Variants in PAFAH1B1 observed in about 807,000 individuals in gnomAD.
PAFAH1B1 encodes the protein platelet activating factor acetylhydrolase 1b regulatory subunit 1, also known as platelet-activating factor acetylhydrolase IB subunit beta.
In PAFAH1B1, 2 loss-of-function variants were observed where a neutral mutation model predicts 57.5. The observed-to-expected ratio is 0.03, with a 90% CI of 0.01 to 0.11. PAFAH1B1 has a LOEUF of 0.11. Among genes scored for constraint, PAFAH1B1 ranks in the 10% least tolerant of loss-of-function variants. PAFAH1B1 has a pLI of 1.00. For synonymous variants in PAFAH1B1, 152 were observed against 169.6 expected, an observed-to-expected ratio of 0.90 and a Z score of 0.81; for missense variants, 257 against 512.0, an observed-to-expected ratio of 0.50 and a Z score of 4.81.
At chr17:2,645,415 G>A (rs1244232726) in intron 2 of PAFAH1B1, among the ~76,000 whole-genome samples, 1 of 151,696 alleles carries the variant, frequency 6.6e-6, no homozygotes, top group Admixed American at 6.6e-5. Flanking sequence ...CCAACATGGT[G>A]AAACCCACCT....
chr17:2,612,801 G>T (rs2068282356), intron 1 of PAFAH1B1, among the ~76,000 whole-genome samples: 2 of 151,722 alleles, frequency 1.3e-5, no homozygotes, highest in African/African-American at 4.8e-5. Context: ...TAGAGGTGGG[G>T]ATCTCACTTT....
At chr17:2,619,537 T>TTTTTTTTTG (rs1204028723) in intron 1 of PAFAH1B1, among the ~76,000 whole-genome samples, 3 of 41,322 alleles carry the variant, frequency 7.3e-5, no homozygotes, top group Non-Finnish European at 1.4e-4. Context: ...CCCTTACCTG[T>TTTTTTTTTG]TTTTTTTTTG....
chr17:2,606,810 C>CTTTTTTTTTTTTTTTTTTTTTTTT lies in PAFAH1B1; in HGVS notation c.-191+12808_-191+12831dup, dbSNP rs770011553. Among the ~76,000 whole-genome samples the CTTTTTTTTTTTTTTTTTTTTTTTT allele has an allele frequency of 7.9e-5, 8 of 101,714 alleles. 4 individuals carry two copies. The highest frequency in any genetic ancestry group is 3.2e-4 in the African/African-American group (8 of 25,374). 66.7% of individuals were successfully genotyped at this position (101,714 alleles called of 152,430 possible). On this transcript the variant is annotated intron_variant, in intron 1 of 10. Coordinates refer to ENST00000397195, the MANE Select transcript of PAFAH1B1 (RefSeq NM_000430.4). Reference sequence around the variant, plus strand: ...ACATTTTGTCATATTTGCCTCAGAGCTTTTTTTTTTTTTTTTTTTTTTTTT... The same window carrying CTTTTTTTTTTTTTTTTTTTTTTTT: ...ACATTTTGTCATATTTGCCTCAGAGCTTTTTTTTTTTTTTTTTTTTTTTTTTTTTTTTTTTTTTTTTTTTTTTTT...
chr17:2,663,840 G>C (rs754370199), intron 2 of PAFAH1B1, among the ~76,000 whole-genome samples: 3 of 151,912 alleles, frequency 2.0e-5, no homozygotes, highest in Admixed American at 2.0e-4. Context: ...GACTACAGGC[G>C]CATACCACCA....
chr17:2,679,187 T>C lies in PAFAH1B1; in HGVS notation c.1003-977T>C, dbSNP rs2069323303. On this transcript the variant is annotated intron_variant, in intron 9 of 10. Coordinates refer to ENST00000397195, the MANE Select transcript of PAFAH1B1 (RefSeq NM_000430.4). ...TAGCAAACCTTTAATTTAGAAAGTATGTGATCCTTGCTTATGTTGTTAGAT... is the reference window on the plus strand; with the variant it reads ...TAGCAAACCTTTAATTTAGAAAGTACGTGATCCTTGCTTATGTTGTTAGAT... Among the ~76,000 whole-genome samples, 6 of 152,382 alleles carry C rather than the reference T, an allele frequency of 3.9e-5. No individual in the cohort carries two copies. In the South Asian group the frequency reaches 1.2e-3, roughly 32 times the overall value.
chr17:2,618,772 C>T (rs149300318), intron 1 of PAFAH1B1, among the ~76,000 whole-genome samples: 7 of 149,638 alleles, frequency 4.7e-5, no homozygotes, highest in East Asian at 4.2e-4. Context: ...TTGGGCCTCA[C>T]GAGTAGCTGG....
At chr17:2,664,702 C>CTCTCTCTCTCTCTCTCTCTCTCTCT (rs1597567320) in intron 2 of PAFAH1B1, among the ~76,000 whole-genome samples, 9 of 144,494 alleles carry the variant, frequency 6.2e-5, no homozygotes, top group Non-Finnish European at 7.7e-5. Flanking sequence ...CTTTCTCTCT[C>CTCTCTCTCTCTCTCTCTCTCTCTCT]CATCTATAAA....
At chr17:2,628,709 G>T (rs951678954) in intron 1 of PAFAH1B1, among the ~76,000 whole-genome samples, 1 of 152,050 alleles carries the variant, frequency 6.6e-6, no homozygotes, top group Non-Finnish European at 1.5e-5. Context: ...CTGTGAATCC[G>T]TCTGGTCCTG....
chr17:2,622,886 C>T (rs2151624167), intron 1 of PAFAH1B1, among the ~76,000 whole-genome samples: 1 of 152,374 alleles, frequency 6.6e-6, no homozygotes, highest in Middle Eastern at 3.4e-3. Context: ...GGTTCCCAAA[C>T]CTCAATTCTT....
At chr17:2,648,895 G>C (rs2068810024) in intron 2 of PAFAH1B1, among the ~76,000 whole-genome samples, 1 of 149,542 alleles carries the variant, frequency 6.7e-6, no homozygotes, top group Non-Finnish European at 1.5e-5. Context: ...GAAACTAAGA[G>C]TTCCTGTGTC....
At chr17:2,678,526 A>G (rs1383009276) in intron 9 of PAFAH1B1, among the ~76,000 whole-genome samples, 2 of 151,870 alleles carry the variant, frequency 1.3e-5, no homozygotes, top group African/African-American at 2.4e-5. Context: ...AGATCGCACC[A>G]TTGCCCTCCA....
intron 1 of PAFAH1B1, among the ~76,000 whole-genome samples, chr17:2,598,253 A>G (rs1177130323): frequency 6.6e-6 from 1 of 152,104 alleles, no homozygotes; most frequent in East Asian, 1.9e-4. Flanking sequence ...CCATCTCAAA[A>G]AATAAATAAA....
At chr17:2,652,878 G>A (rs981598324) in intron 2 of PAFAH1B1, among the ~76,000 whole-genome samples, 15 of 152,142 alleles carry the variant, frequency 9.9e-5, no homozygotes, top group African/African-American at 3.6e-4. Flanking sequence ...CAGGGATCTA[G>A]AACTGGAAAT....
chr17:2,670,160 C>T lies in PAFAH1B1; in HGVS notation c.400-3C>T, dbSNP rs1253849236. On this transcript the variant is annotated splice_region_variant and splice_polypyrimidine_tract_variant and intron_variant, in intron 5 of 10. Coordinates refer to ENST00000397195, the MANE Select transcript of PAFAH1B1 (RefSeq NM_000430.4). Reference sequence around the variant, plus strand: ...GTTAACCAATTTTCTGTTCACTTGACAGGTGTGGGATTATGAGACTGGAGA... The same window carrying T: ...GTTAACCAATTTTCTGTTCACTTGATAGGTGTGGGATTATGAGACTGGAGA... The T allele has an allele frequency of 2.5e-6, 4 of 1,613,798 alleles. No homozygotes were observed. Among genetic ancestry groups the T allele is most frequent in the Non-Finnish European group, 3.4e-6 (4 of 1,179,688 alleles).
intron 1 of PAFAH1B1, among the ~76,000 whole-genome samples, chr17:2,616,607 C>G (rs187563018): frequency 1.0e-3 from 155 of 152,284 alleles, no homozygotes; most frequent in African/African-American, 3.5e-3. Flanking sequence ...TCTGAGTCTG[C>G]TGACTTAAAT....
chr17:2,679,490 ATG>A (rs2069335422), intron 9 of PAFAH1B1, among the ~76,000 whole-genome samples: 2 of 145,634 alleles, frequency 1.4e-5, no homozygotes, highest in Admixed American at 1.4e-4. Context: ...GGATGGATGG[ATG>A]GATGGATGAT....
intron 2 of PAFAH1B1, among the ~76,000 whole-genome samples, chr17:2,647,202 T>C (rs1454110324): frequency 6.6e-6 from 1 of 152,004 alleles, no homozygotes; most frequent in Non-Finnish European, 1.5e-5. Flanking sequence ...ATACAAAAAT[T>C]AGCTGGGCGT....
chr17:2,649,849 G>A (rs948683652), intron 2 of PAFAH1B1, among the ~76,000 whole-genome samples: 2 of 152,182 alleles, frequency 1.3e-5, no homozygotes, highest in African/African-American at 2.4e-5. Context: ...ATTGTAAAAT[G>A]TGGAATAGAC....
At chr17:2,648,608 G>A (rs370327361) in intron 2 of PAFAH1B1, among the ~76,000 whole-genome samples, 4 of 151,466 alleles carry the variant, frequency 2.6e-5, no homozygotes, top group Admixed American at 2.0e-4. Flanking sequence ...AGCCCAGGGG[G>A]CAGAGGTTGC....
Sources: allele counts gnomAD v4.1 joint callset (sites outside exome capture counted in the v4.1 genomes callset), GRCh38; gene constraint gnomAD v4.1.1; transcripts MANE v1.5; gene names NCBI Gene and HGNC (gene_info 2026-07-23, HGNC 2026-07-21).